RABGAP1L: variants seen among roughly 807,000 people sequenced by gnomAD.
The protein encoded by RABGAP1L is rab GTPase-activating protein 1-like.
A neutral mutation model predicts 137.7 loss-of-function variants in RABGAP1L; 63 were observed. The ratio of observed to expected loss-of-function variants is 0.46; its 90% CI spans 0.37 to 0.56. The LOEUF is 0.56. Ranked by LOEUF, RABGAP1L falls within the 20% of genes least tolerant of loss-of-function variation. The pLI, the probability that RABGAP1L is intolerant of heterozygous loss-of-function variation, is 0.00. For synonymous variants in RABGAP1L, 431 were observed against 433.7 expected (o/e 0.99, Z 0.08); for missense variants, 1,095 against 1,244.0 (o/e 0.88, Z 1.80).
intron 13 of RABGAP1L, among the ~76,000 whole-genome samples, chr1:174,404,121 G>T (rs1050695214): frequency 1.3e-5 from 2 of 152,134 alleles, no homozygotes; most frequent in African/African-American, 4.8e-5. Flanking sequence ...CCTAGGGAAA[G>T]CCAGGCTTAT....
chr1:174,615,356 C>A (rs907588916), intron 13 of RABGAP1L, among the ~76,000 whole-genome samples: 1 of 152,188 alleles, frequency 6.6e-6, no homozygotes, highest in Admixed American at 6.5e-5. Flanking sequence ...ACCCTATTTG[C>A]CTGGGTATCA....
chr1:174,813,251 A>C (rs1330865721), intron 19 of RABGAP1L, among the ~76,000 whole-genome samples: 2 of 152,100 alleles, frequency 1.3e-5, no homozygotes, highest in Non-Finnish European at 2.9e-5. Context: ...AACAGTGGAG[A>C]TAGAGATGGA....
chr1:174,627,777 G>C (rs920601297), intron 13 of RABGAP1L, among the ~76,000 whole-genome samples: 1 of 152,124 alleles, frequency 6.6e-6, no homozygotes. Context: ...CAGTTTTTCA[G>C]ACTTTATGAC....
chr1:174,663,210 A>T (rs2148425462), intron 14 of RABGAP1L, among the ~76,000 whole-genome samples: 1 of 152,268 alleles, frequency 6.6e-6, no homozygotes, highest in Middle Eastern at 3.4e-3. Context: ...CTGCATTCTC[A>T]GTAAGTGCCC....
chr1:174,171,637 C>T lies in RABGAP1L; in HGVS notation c.-34+11980C>T, dbSNP rs528529903. On this transcript the variant is annotated intron_variant, in intron 1 of 25. Transcript: ENST00000681986. Reference sequence around the variant, plus strand: ...CCCTTTGACCTACTTATTCCCATTTCGTCCCCCTCCTTTCCCCTGGTAACT... The same window carrying T: ...CCCTTTGACCTACTTATTCCCATTTTGTCCCCCTCCTTTCCCCTGGTAACT... 4.4e-4 allele frequency among the ~76,000 whole-genome samples: 67 copies of T among 151,220 alleles called. No homozygotes were observed. In the South Asian group the frequency reaches 0.014, roughly 31 times the overall value.
At chr1:174,641,906 A>G (rs1674561778) in intron 14 of RABGAP1L, among the ~76,000 whole-genome samples, 1 of 152,198 alleles carries the variant, frequency 6.6e-6, no homozygotes, top group Non-Finnish European at 1.5e-5. Context: ...TCTCAATACT[A>G]AAGATGTAAA....
intron 13 of RABGAP1L, among the ~76,000 whole-genome samples, chr1:174,502,983 A>AGT (rs1486292754): frequency 1.3e-5 from 2 of 152,072 alleles, no homozygotes; most frequent in Non-Finnish European, 2.9e-5. Flanking sequence ...AGTAGAAGAG[A>AGT]GTGTGTGTAT....
intron 13 of RABGAP1L, among the ~76,000 whole-genome samples, chr1:174,402,543 C>T (rs996299043): frequency 6.6e-6 from 1 of 152,158 alleles, no homozygotes; most frequent in Admixed American, 6.5e-5. Context: ...GAGCCTTCAA[C>T]CATTGTCTGT....
At chr1:174,774,549 G>T (rs891338681) in intron 18 of RABGAP1L, among the ~76,000 whole-genome samples, 1 of 151,442 alleles carries the variant, frequency 6.6e-6, no homozygotes, top group Non-Finnish European at 1.5e-5. Flanking sequence ...AACAAAGGAA[G>T]ATTTTTTTTT....
intron 17 of RABGAP1L, among the ~76,000 whole-genome samples, chr1:174,709,643 A>G (rs1680324527): frequency 6.6e-6 from 1 of 152,232 alleles, no homozygotes; most frequent in African/African-American, 2.4e-5. Flanking sequence ...ATCAACAAAA[A>G]GGACACCCAT....
intron 13 of RABGAP1L, among the ~76,000 whole-genome samples, chr1:174,414,644 C>T (rs774927353): frequency 1.3e-5 from 2 of 151,980 alleles, no homozygotes; most frequent in Non-Finnish European, 2.9e-5. Context: ...GTCTGTGGCA[C>T]TGTAATTGGA....
intron 13 of RABGAP1L, among the ~76,000 whole-genome samples, chr1:174,433,483 G>C (rs1211896825): frequency 6.6e-6 from 1 of 152,136 alleles, no homozygotes; most frequent in Non-Finnish European, 1.5e-5. Context: ...TTATGATCGA[G>C]AAACATAGTG....
At chr1:174,719,829 T>A (rs1681347559) in intron 17 of RABGAP1L, among the ~76,000 whole-genome samples, 1 of 152,226 alleles carries the variant, frequency 6.6e-6, no homozygotes, top group African/African-American at 2.4e-5. Flanking sequence ...TTGGTTGGGA[T>A]TTTTGGAGGT....
chr1:174,896,720 T>C (rs1023967737), intron 19 of RABGAP1L, among the ~76,000 whole-genome samples: 5 of 152,206 alleles, frequency 3.3e-5, no homozygotes, highest in Admixed American at 3.3e-4. Context: ...TTCTTGTTTT[T>C]GTCAGGTTTG....
At chr1:174,626,352 A>AT (rs934351684) in intron 13 of RABGAP1L, among the ~76,000 whole-genome samples, 2 of 152,168 alleles carry the variant, frequency 1.3e-5, no homozygotes, top group African/African-American at 4.8e-5. Flanking sequence ...CTATTCAAGT[A>AT]TTTTCCACTG....
At chr1:174,582,958 C>T (rs1668853412) in intron 13 of RABGAP1L, among the ~76,000 whole-genome samples, 1 of 152,090 alleles carries the variant, frequency 6.6e-6, no homozygotes, top group Admixed American at 6.6e-5. Flanking sequence ...ATGTATTATA[C>T]ACTTTATTAG....
intron 15 of RABGAP1L, among the ~76,000 whole-genome samples, chr1:174,691,551 A>T (rs544645350): frequency 6.6e-6 from 1 of 152,318 alleles, no homozygotes; most frequent in East Asian, 1.9e-4. Flanking sequence ...GCCATGGATG[A>T]TATTTTGATA....
intron 11 of RABGAP1L, among the ~76,000 whole-genome samples, chr1:174,322,907 G>T (rs1680123114): frequency 6.6e-6 from 1 of 152,126 alleles, no homozygotes; most frequent in South Asian, 2.1e-4. Context: ...GAATAAATAG[G>T]TGTGAGAAGC....
intron 19 of RABGAP1L, among the ~76,000 whole-genome samples, chr1:174,879,488 C>T (rs1202921303): frequency 2.0e-5 from 3 of 152,124 alleles, no homozygotes; most frequent in African/African-American, 7.2e-5. Context: ...CCACCTTGGC[C>T]TCCCAAAGTG....
Sources: allele counts gnomAD v4.1 joint callset (sites outside exome capture counted in the v4.1 genomes callset), GRCh38; gene constraint gnomAD v4.1.1; transcripts MANE v1.5; gene names NCBI Gene and HGNC (gene_info 2026-07-23, HGNC 2026-07-21).